Variants in DUSP22 observed in about 807,000 individuals in gnomAD.
DUSP22 encodes the protein dual specificity phosphatase 22, also known as dual specificity protein phosphatase 22.
DUSP22 carries 24 observed loss-of-function variants against 24.5 expected under a neutral mutation model. The observed-to-expected ratio is 0.98, with a 90% CI of 0.71 to 1.38. The LOEUF (loss-of-function observed/expected upper bound fraction) is 1.38. Ranked by LOEUF, DUSP22 falls within the 40% of genes most tolerant of loss-of-function variation. The pLI is 0.00. For synonymous variants in DUSP22, 160 were observed against 106.4 expected (o/e 1.50, Z -3.10); for missense variants, 330 against 269.2 (o/e 1.23, Z -1.58).
chr6:335,773 C>A (rs565226542), intron 4 of DUSP22, among the ~76,000 whole-genome samples: 1 of 152,304 alleles, frequency 6.6e-6, no homozygotes, highest in Non-Finnish European at 1.5e-5. Flanking sequence ...AGCTGTGTTT[C>A]CAGGGCTTGA....
At chr6:297,004 G>C (rs552566068) in intron 1 of DUSP22, among the ~76,000 whole-genome samples, 31 of 152,418 alleles carry the variant, frequency 2.0e-4, no homozygotes, top group African/African-American at 7.5e-4. Context: ...TCATGGTGCT[G>C]GGAGGCCTCA....
At chr6:332,868 C>T (rs945859624) in intron 3 of DUSP22, among the ~76,000 whole-genome samples, 14 of 152,402 alleles carry the variant, frequency 9.2e-5, no homozygotes, top group Admixed American at 5.9e-4. Flanking sequence ...CTCCAAGGAG[C>T]GTGGAGGGAG....
chr6:294,313 A>C (rs1757225658), intron 1 of DUSP22, among the ~76,000 whole-genome samples: 1 of 152,250 alleles, frequency 6.6e-6, no homozygotes, highest in African/African-American at 2.4e-5. Context: ...ACACTTATTG[A>C]TTATGTACAT....
chr6:328,352 C>G (rs1375463427), intron 3 of DUSP22, among the ~76,000 whole-genome samples: 1 of 152,306 alleles, frequency 6.6e-6, no homozygotes, highest in Admixed American at 6.5e-5. Flanking sequence ...CCAGCCCGTA[C>G]TGGCTGGAGG....
chr6:300,165 C>T (rs59772395), intron 1 of DUSP22, among the ~76,000 whole-genome samples: 3,687 of 151,354 alleles, frequency 0.024, 2 homozygotes, highest in East Asian at 0.11. Context: ...GAAAATTGGG[C>T]TGTTTCCCAT....
chr6:334,101 G>T (rs1178273318), intron 3 of DUSP22, among the ~76,000 whole-genome samples: 1 of 152,428 alleles, frequency 6.6e-6, no homozygotes, highest in East Asian at 1.9e-4. Flanking sequence ...GCGTTGCGTT[G>T]TAACTCCATC....
At chr6:339,326 T>G (rs964270163) in intron 4 of DUSP22, among the ~76,000 whole-genome samples, 4 of 152,426 alleles carry the variant, frequency 2.6e-5, no homozygotes, top group African/African-American at 9.6e-5. Flanking sequence ...TCACAGGGTT[T>G]TTTATAGTAT....
intron 3 of DUSP22, chr6:320,454 G>C (rs939773048): frequency 6.5e-6 from 1 of 153,166 alleles, no homozygotes; most frequent in African/African-American, 2.4e-5. Context: ...GGCAAGATCT[G>C]CCAGGATATC....
chr6:312,393 G>A (rs1246145910), intron 3 of DUSP22, among the ~76,000 whole-genome samples: 2 of 152,288 alleles, frequency 1.3e-5, no homozygotes, highest in African/African-American at 4.8e-5. Flanking sequence ...AACAGAAGGT[G>A]AATCGTCCTG....
intron 5 of DUSP22, among the ~76,000 whole-genome samples, chr6:347,445 G>A (rs1447185349): frequency 6.6e-6 from 1 of 152,302 alleles, no homozygotes; most frequent in Non-Finnish European, 1.5e-5. Flanking sequence ...GCCATTCTGT[G>A]ACCGCCTTCA....
intron 3 of DUSP22, among the ~76,000 whole-genome samples, chr6:322,934 A>G (rs1758679421): frequency 6.6e-6 from 1 of 152,268 alleles, no homozygotes; most frequent in South Asian, 2.1e-4. Context: ...CTCTCTGGGC[A>G]CCATTGTTGT....
chr6:311,849 C>G (rs1215506866), intron 2 of DUSP22, 31 bp from the exon 3 acceptor site: 6 of 1,587,694 alleles, frequency 3.8e-6, no homozygotes, highest in East Asian at 2.3e-5. Flanking sequence ...GCAAAGATAT[C>G]AAAATGTCCA....
At chr6:333,637 A>G (rs1759234066) in intron 3 of DUSP22, among the ~76,000 whole-genome samples, 3 of 152,300 alleles carry the variant, frequency 2.0e-5, no homozygotes, top group Admixed American at 2.0e-4. Context: ...TTCCCTCAGA[A>G]TAGATGGAGA....
At chr6:318,949 C>G (rs1013347490) in intron 3 of DUSP22, among the ~76,000 whole-genome samples, 2 of 152,302 alleles carry the variant, frequency 1.3e-5, no homozygotes, top group African/African-American at 4.8e-5. Flanking sequence ...TAGGATGATA[C>G]CCATCATATA....
chr6:348,734 G>T (rs1272677827), intron 6 of DUSP22, 35 bp from the exon 7 acceptor site: 1 of 1,613,578 alleles, frequency 6.2e-7, no homozygotes, highest in African/African-American at 1.3e-5. Flanking sequence ...GTGCACATGT[G>T]TGTGACGTTT....
At chr6:321,621 G>A (rs1758592751) in intron 3 of DUSP22, among the ~76,000 whole-genome samples, 1 of 152,280 alleles carries the variant, frequency 6.6e-6, no homozygotes, top group African/African-American at 2.4e-5. Flanking sequence ...AGATTCTCTA[G>A]CAAGAATCAA....
chr6:330,283 C>A (rs1380091196), intron 3 of DUSP22, among the ~76,000 whole-genome samples: 1 of 152,300 alleles, frequency 6.6e-6, no homozygotes, highest in African/African-American at 2.4e-5. Flanking sequence ...CTCTCCCCCT[C>A]CTTGTGTTTT....
At chr6:346,252 G>T (rs1444798859) in intron 5 of DUSP22, among the ~76,000 whole-genome samples, 3 of 152,306 alleles carry the variant, frequency 2.0e-5, no homozygotes, top group Non-Finnish European at 4.4e-5. Context: ...GCCTCTTACA[G>T]ATGACCCAGA....
chr6:350,763 C>A lies in DUSP22; in HGVS notation c.*1812C>A. The A allele has an allele frequency of 1.2e-6, 2 of 1,614,032 alleles. No individual in the cohort carries two copies. On this transcript the variant is annotated 3_prime_UTR_variant, in exon 7 of 7. Coordinates refer to ENST00000419235, the MANE Select transcript of DUSP22 (RefSeq NM_001286555.3). ...ACCTTTACAAACCTCTCAGTGTATT[C>A]TTGGAGTTCTTGAAATGTTGTTTTA...
Sources: gnomAD v4.1 joint callset for allele counts (sites outside exome capture counted in the v4.1 genomes callset) on GRCh38, gnomAD v4.1.1 for gene constraint, MANE v1.5 for transcripts, NCBI Gene and HGNC (gene_info 2026-07-23, HGNC 2026-07-21) for gene names.